PTPRN2: variants seen among roughly 807,000 people sequenced by gnomAD.
The protein encoded by PTPRN2 is receptor-type tyrosine-protein phosphatase N2.
Under a neutral mutation model 118.8 loss-of-function variants are expected in PTPRN2, and 74 were observed. The ratio of observed to expected loss-of-function variants is 0.62; its 90% CI spans 0.52 to 0.76. The LOEUF is 0.76. Among genes scored for constraint, PTPRN2 ranks in the 30% least tolerant of loss-of-function variants. The pLI, the probability that PTPRN2 is intolerant of heterozygous loss-of-function variation, is 0.00. For synonymous variants in PTPRN2, 641 were observed against 608.0 expected, an observed-to-expected ratio of 1.05 and a Z score of -0.80; for missense variants, 1,481 against 1,394.4, an observed-to-expected ratio of 1.06 and a Z score of -0.99.
At chr7:158,188,658 G>A (rs1182337196) in intron 5 of PTPRN2, among the ~76,000 whole-genome samples, 72 of 141,732 alleles carry the variant, frequency 5.1e-4, no homozygotes, top group Non-Finnish European at 9.3e-4. Flanking sequence ...CCCCTGATGG[G>A]GAAGGCCGCC....
At chr7:157,966,159 T>TTGCTTTGAAAAC (rs986816583) in intron 11 of PTPRN2, among the ~76,000 whole-genome samples, 3 of 152,132 alleles carry the variant, frequency 2.0e-5, no homozygotes, top group African/African-American at 7.2e-5. Flanking sequence ...TCTTTGGAAA[T>TTGCTTTGAAAAC]TGCTTTGAAA....
intron 11 of PTPRN2, among the ~76,000 whole-genome samples, chr7:158,044,010 G>C (rs1174423620): frequency 1.3e-5 from 2 of 152,260 alleles, no homozygotes; most frequent in Admixed American, 1.3e-4. Context: ...CGCCGAGGCT[G>C]TGATGGGCAG....
In PTPRN2 at chr7:158,454,190, C is replaced by A. The variant is rs1338945091; in HGVS notation, c.163+35545G>T. On this transcript the variant is annotated intron_variant, in intron 2 of 22. Transcript: ENST00000389418. ...GAGGACAGACAAGACACAACGCACACAATCACTGATGTGAGGATTGGGGAT... is the reference window on the plus strand; with the variant it reads ...GAGGACAGACAAGACACAACGCACAAAATCACTGATGTGAGGATTGGGGAT... Among the ~76,000 whole-genome samples, 9 of 151,998 alleles carry A rather than the reference C, an allele frequency of 5.9e-5. No homozygotes were observed. In the South Asian group the frequency reaches 1.9e-3, roughly 32 times the overall value.
At chr7:158,070,429 CGTG>C (rs1375403954) in intron 11 of PTPRN2, among the ~76,000 whole-genome samples, 1 of 71,216 alleles carries the variant, frequency 1.4e-5, no homozygotes, top group Non-Finnish European at 2.6e-5. Flanking sequence ...TGGTGGTGCT[CGTG>C]GTGGTGGAGG....
intron 4 of PTPRN2, among the ~76,000 whole-genome samples, chr7:158,201,119 T>C (rs1043508328): frequency 1.3e-5 from 2 of 151,600 alleles, no homozygotes; most frequent in Non-Finnish European, 2.9e-5. Context: ...TGTGTGATCA[T>C]GACTCACTGC....
At chr7:157,942,207 G>A (rs113368129) in intron 11 of PTPRN2, among the ~76,000 whole-genome samples, 1,185 of 38,180 alleles carry the variant, frequency 0.031, 24 homozygotes, top group African/African-American at 0.028. Flanking sequence ...AGGGGTCCTC[G>A]GCCCACCCTC....
At chr7:158,303,696 A>C (rs1324821339) in intron 3 of PTPRN2, among the ~76,000 whole-genome samples, 2 of 152,236 alleles carry the variant, frequency 1.3e-5, no homozygotes, top group Non-Finnish European at 1.5e-5. Context: ...AAGACACTGA[A>C]ATCACCTGGA....
At chr7:158,070,430 G>GTGGTGGTGGAGGTGCTCC (rs1811168175) in intron 11 of PTPRN2, among the ~76,000 whole-genome samples, 1 of 122,480 alleles carries the variant, frequency 8.2e-6, no homozygotes, top group African/African-American at 3.5e-5. Flanking sequence ...GGTGGTGCTC[G>GTGGTGGTGGAGGTGCTCC]TGGTGGTGGA....
intron 2 of PTPRN2, among the ~76,000 whole-genome samples, chr7:158,322,340 G>C (rs989814912): frequency 1.3e-5 from 2 of 152,234 alleles, no homozygotes; most frequent in African/African-American, 2.4e-5. Flanking sequence ...TTGTGGACAG[G>C]CTGCAAAAAA....
rs61333715 is a variant in PTPRN2 at position 157,876,674 on chromosome 7, C to T, written c.1788+21999G>A. 4.9e-3 allele frequency among the ~76,000 whole-genome samples: 751 copies of T among 152,286 alleles called. 2 individuals are homozygous for T. Among genetic ancestry groups the T allele is most frequent in the Middle Eastern group, 0.017 (5 of 294 alleles). Reference sequence around the variant, plus strand: ...GCCCCCACGTGGGGCTGGGAGAGGCCGCACTGCACCCCAAGAGTGAGGATG... The same window carrying T: ...GCCCCCACGTGGGGCTGGGAGAGGCTGCACTGCACCCCAAGAGTGAGGATG... On this transcript the variant is annotated intron_variant, in intron 12 of 22. Coordinates refer to ENST00000389418, the MANE Select transcript of PTPRN2 (RefSeq NM_002847.5).
rs368883309 is a variant in PTPRN2, at chr7:157,898,621, C to G, written c.1788+52G>C. ...TCTGTTCTCACGGTGTTCGCCAGCA[C>G]CCAGACAGCACTGCAGATCGCAGAG... On this transcript the variant is annotated intron_variant, in intron 12 of 22. Transcript: ENST00000389418. 2.0e-6 allele frequency: 3 copies of G among 1,504,034 alleles called. No individual in the cohort carries two copies. The African/African-American group carries it at 4.1e-5, about 21-fold the overall frequency. The allele number at this position is 1,504,034 out of a possible 1,614,324, so 93.2% of individuals were successfully genotyped here. A position where few individuals can be genotyped will look rare whatever the true frequency, so the allele number is the denominator to read the frequency against.
intron 11 of PTPRN2, among the ~76,000 whole-genome samples, chr7:157,982,346 G>C (rs1803314272): frequency 8.7e-6 from 1 of 114,328 alleles, no homozygotes; most frequent in Non-Finnish European, 1.8e-5. Flanking sequence ...CAGAGTGCAG[G>C]GTCCCCCCAA....
At chr7:158,084,203 C>T (rs765888526) in intron 10 of PTPRN2, among the ~76,000 whole-genome samples, 2 of 152,194 alleles carry the variant, frequency 1.3e-5, no homozygotes, top group Admixed American at 6.5e-5. Flanking sequence ...TGGCTCTGCC[C>T]CCAGCACCAT....
At chr7:158,562,966 G>A (rs139309287) in intron 1 of PTPRN2, among the ~76,000 whole-genome samples, 27 of 152,322 alleles carry the variant, frequency 1.8e-4, no homozygotes, top group Non-Finnish European at 2.5e-4. Flanking sequence ...GGCAGAGGCC[G>A]AGAGCGGAGT....
intron 6 of PTPRN2, among the ~76,000 whole-genome samples, chr7:158,141,373 A>T (rs1478765657): frequency 2.6e-5 from 4 of 152,110 alleles, no homozygotes; most frequent in Admixed American, 2.0e-4. Flanking sequence ...TCCTCTCTCC[A>T]CAGCGCAGGC....
At chr7:158,113,998 T>A (rs1816517141) in intron 9 of PTPRN2, among the ~76,000 whole-genome samples, 1 of 152,092 alleles carries the variant, frequency 6.6e-6, no homozygotes, top group South Asian at 2.1e-4. Flanking sequence ...GGGGAGGGTG[T>A]CCAGGCCCAT....
intron 11 of PTPRN2, among the ~76,000 whole-genome samples, chr7:158,020,952 G>A (rs550239554): frequency 1.3e-5 from 2 of 152,198 alleles, no homozygotes; most frequent in East Asian, 3.9e-4. Context: ...GTTCCTAGAC[G>A]GACATCGGGT....
chr7:158,220,861 T>C (rs1400204734), intron 3 of PTPRN2, among the ~76,000 whole-genome samples: 1 of 147,656 alleles, frequency 6.8e-6, no homozygotes, highest in Admixed American at 6.7e-5. Flanking sequence ...AAAAAAAGAA[T>C]TATAAAATTC....
At chr7:158,559,179 T>C (rs1440443279) in intron 1 of PTPRN2, among the ~76,000 whole-genome samples, 1 of 152,168 alleles carries the variant, frequency 6.6e-6, no homozygotes, top group Non-Finnish European at 1.5e-5. Flanking sequence ...CATCACCCCA[T>C]TTAAAAAGGA....
Sources: gnomAD v4.1 joint callset for allele counts (sites outside exome capture counted in the v4.1 genomes callset) on GRCh38, gnomAD v4.1.1 for gene constraint, MANE v1.5 for transcripts, NCBI Gene and HGNC (gene_info 2026-07-23, HGNC 2026-07-21) for gene names.